GHR: variants seen among roughly 807,000 people sequenced by gnomAD.
The protein encoded by GHR is GH receptor.
Under a neutral mutation model 67.1 loss-of-function variants are expected in GHR, and 35 were observed. The ratio of observed to expected loss-of-function variants is 0.52; its 90% CI spans 0.40 to 0.69. The LOEUF is 0.69. GHR is among the 30% of genes least tolerant of loss of function. GHR has a pLI of 0.00. For synonymous variants in GHR, 272 were observed against 269.1 expected (o/e 1.01, Z -0.10); for missense variants, 792 against 764.6 (o/e 1.04, Z -0.42).
chr5:42,438,644 A>C (rs532468285), intron 1 of GHR, among the ~76,000 whole-genome samples: 10 of 152,186 alleles, frequency 6.6e-5, no homozygotes, highest in Non-Finnish European at 1.3e-4. Flanking sequence ...GACAGCTTCA[A>C]ATGAGGACCT....
At position 42,424,389 on chromosome 5, in the gene GHR, G is replaced by C; in HGVS notation, c.-12+434G>C. ...GTTTCTGTTTGCCATCATCTGCCTGGCTGCGGCAGGAACTGCCGAGGCTGC... is the reference window on the plus strand; with the variant it reads ...GTTTCTGTTTGCCATCATCTGCCTGCCTGCGGCAGGAACTGCCGAGGCTGC... On this transcript the variant is annotated intron_variant, in intron 1 of 9. Transcript: ENST00000230882. The surrounding 1 kb of genome is among the most constrained non-coding windows in gnomAD (Gnocchi z 4.1). 3.3e-6 allele frequency: 2 copies of C among 597,962 alleles called. No individual in the cohort carries two copies. The highest frequency in any genetic ancestry group is 6.0e-6 in the Non-Finnish European group (2 of 335,090). 37.0% of individuals were successfully genotyped at this position (597,962 alleles called of 1,614,324 possible). A position where few individuals can be genotyped will look rare whatever the true frequency, so the allele number is the denominator to read the frequency against.
At chr5:42,432,477 C>T (rs1161334949) in intron 1 of GHR, among the ~76,000 whole-genome samples, 1 of 152,172 alleles carries the variant, frequency 6.6e-6, no homozygotes, top group Non-Finnish European at 1.5e-5. Context: ...CTTTGTTCTT[C>T]GTCACTATGT....
At chr5:42,470,867 T>C (rs1387483794) in intron 1 of GHR, among the ~76,000 whole-genome samples, 2 of 152,206 alleles carry the variant, frequency 1.3e-5, no homozygotes, top group African/African-American at 4.8e-5. Flanking sequence ...TGCATTGCCT[T>C]CCAACCTGCT....
intron 1 of GHR, among the ~76,000 whole-genome samples, chr5:42,545,014 T>C (rs1748678139): frequency 6.6e-6 from 1 of 152,196 alleles, no homozygotes; most frequent in African/African-American, 2.4e-5. Context: ...AGATTTACTG[T>C]AATGATACCA....
At chr5:42,659,292 CTG>C (rs1406364813) in intron 3 of GHR, 4 of 152,194 alleles carry the variant, frequency 2.6e-5, no homozygotes, top group African/African-American at 9.7e-5. Context: ...GCTTCAAAGA[CTG>C]TGTTCTTTCT....
At chr5:42,565,764 C>G in intron 1 of GHR, 100 bp from the exon 2 acceptor site, 1 of 1,602,698 alleles carries the variant, frequency 6.2e-7, no homozygotes, top group East Asian at 2.2e-5. Flanking sequence ...GGAACTGACT[C>G]GTCAGCTCAT....
chr5:42,512,450 A>G (rs1371506880), intron 1 of GHR, among the ~76,000 whole-genome samples: 2 of 151,018 alleles, frequency 1.3e-5, no homozygotes, highest in Admixed American at 7.0e-5. Context: ...ACAGCTATCA[A>G]AGGTTTTTGG....
At chr5:42,579,137 AGAT>A (rs79516463) in intron 2 of GHR, among the ~76,000 whole-genome samples, 683 of 46,208 alleles carry the variant, frequency 0.015, 1 homozygote, top group African/African-American at 0.022. Context: ...ATAGATAGAT[AGAT>A]GATAGATAGA....
chr5:42,558,336 T>C (rs1315508926), intron 1 of GHR, among the ~76,000 whole-genome samples: 1 of 152,234 alleles, frequency 6.6e-6, no homozygotes, highest in Non-Finnish European at 1.5e-5. Context: ...AAAATTACTT[T>C]ATTTGTTCAT....
chr5:42,499,882 G>C (rs1044440000), intron 1 of GHR, among the ~76,000 whole-genome samples: 3 of 152,192 alleles, frequency 2.0e-5, no homozygotes, highest in African/African-American at 7.2e-5. Context: ...GTCTTGGAAG[G>C]TCACATAAAT....
chr5:42,449,574 A>G (rs1743960595), intron 1 of GHR, among the ~76,000 whole-genome samples: 1 of 152,150 alleles, frequency 6.6e-6, no homozygotes, highest in Non-Finnish European at 1.5e-5. Context: ...CAATCATGTC[A>G]TTGGTGAACA....
chr5:42,703,742 G>C (rs1248108215), intron 6 of GHR, among the ~76,000 whole-genome samples: 1 of 151,780 alleles, frequency 6.6e-6, no homozygotes, highest in Non-Finnish European at 1.5e-5. Flanking sequence ...TCAGTGTTCA[G>C]ATCTTTCACC....
rs762150335 is a variant in GHR, at chr5:42,711,326, G to T, written c.738G>T (p.Val246=). Residue 246 remains valine, a synonymous_variant, in exon 7 of 10, where the codon GTG becomes GTT. Transcript: ENST00000230882. ...NSGNYGEFSE[V]LYVTLPQMSQ... Reference sequence around the variant, plus strand: ...GAAATTATGGCGAGTTCAGTGAGGTGCTCTATGTAACACTTCCTCAGATGA... The same window carrying T: ...GAAATTATGGCGAGTTCAGTGAGGTTCTCTATGTAACACTTCCTCAGATGA... 1 of 1,613,178 alleles carries T rather than the reference G, an allele frequency of 6.2e-7. No homozygotes were observed. The highest frequency in any genetic ancestry group is 1.1e-5 in the South Asian group (1 of 91,062).
intron 3 of GHR, among the ~76,000 whole-genome samples, chr5:42,646,100 C>T (rs1436169018): frequency 6.6e-6 from 1 of 152,122 alleles, no homozygotes; most frequent in East Asian, 1.9e-4. Flanking sequence ...TTCTATTCCT[C>T]CTGCCCCTAA....
chr5:42,508,981 T>C (rs2112258375), intron 1 of GHR, among the ~76,000 whole-genome samples: 1 of 152,350 alleles, frequency 6.6e-6, no homozygotes, highest in East Asian at 1.9e-4. Context: ...TTTGTATCTA[T>C]GGGTGGTTAT....
intron 1 of GHR, among the ~76,000 whole-genome samples, chr5:42,475,639 G>C (rs1745272842): frequency 6.6e-6 from 1 of 151,108 alleles, no homozygotes; most frequent in African/African-American, 2.4e-5. Flanking sequence ...ATAAGTTTCA[G>C]GCCCTAAAAA....
intron 3 of GHR, among the ~76,000 whole-genome samples, chr5:42,666,722 T>G (rs1384989048): frequency 6.6e-6 from 1 of 152,188 alleles, no homozygotes; most frequent in Non-Finnish European, 1.5e-5. Context: ...CAACAGCATC[T>G]GTGAACTTAT....
intron 3 of GHR, among the ~76,000 whole-genome samples, chr5:42,660,243 T>C: frequency 6.6e-6 from 1 of 152,148 alleles, no homozygotes. Context: ...GTCTGACAGC[T>C]TTGAAGAGAG....
At chr5:42,675,771 G>A (rs1316232845) in intron 3 of GHR, among the ~76,000 whole-genome samples, 1 of 152,212 alleles carries the variant, frequency 6.6e-6, no homozygotes, top group Non-Finnish European at 1.5e-5. Context: ...ATACAAATGA[G>A]CTATCTATAT....
Sources: allele counts gnomAD v4.1 joint callset (sites outside exome capture counted in the v4.1 genomes callset), GRCh38; gene constraint gnomAD v4.1.1; non-coding constraint Gnocchi (gnomAD v3.1); transcripts MANE v1.5; gene names NCBI Gene and HGNC (gene_info 2026-07-23, HGNC 2026-07-21).